LOXHD1: variants seen among roughly 807,000 people sequenced by gnomAD.
LOXHD1 encodes lipoxygenase homology PLAT domains 1.
In LOXHD1, 205 loss-of-function variants were observed where a neutral mutation model predicts 248.2. The observed-to-expected ratio is 0.83, with a 90% CI of 0.74 to 0.93. The LOEUF is 0.93. Ranked by LOEUF, LOXHD1 falls within the 40% of genes least tolerant of loss-of-function variation. LOXHD1 has a pLI of 0.00. For missense variants in LOXHD1, 2,930 were observed against 2,971.6 expected, an observed-to-expected ratio of 0.99 and a Z score of 0.33; for synonymous variants, 1,113 against 1,162.8, an observed-to-expected ratio of 0.96 and a Z score of 0.87.
chr18:46,496,795 G>C (rs1409594891), intron 37 of LOXHD1, among the ~76,000 whole-genome samples: 2 of 152,180 alleles, frequency 1.3e-5, no homozygotes, highest in Admixed American at 1.3e-4. Flanking sequence ...TTGAGGTCAG[G>C]AGTTTGAGTC....
intron 21 of LOXHD1, among the ~76,000 whole-genome samples, chr18:46,555,767 C>T (rs761338276): frequency 1.3e-5 from 2 of 152,032 alleles, no homozygotes; most frequent in Admixed American, 6.5e-5. Flanking sequence ...AATGAAAACA[C>T]GTTCAATTCA....
intron 14 of LOXHD1, among the ~76,000 whole-genome samples, chr18:46,574,388 TACACACACACACACAC>T (rs569144159): frequency 8.0e-6 from 1 of 125,242 alleles, no homozygotes; most frequent in Admixed American, 7.9e-5. Context: ...TGTGTACACA[TACACACACACACACAC>T]ACACACACAC....
intron 4 of LOXHD1, among the ~76,000 whole-genome samples, chr18:46,626,609 A>G (rs1190906914): frequency 6.6e-6 from 1 of 152,248 alleles, no homozygotes; most frequent in African/African-American, 2.4e-5. Context: ...AAGTGAAACA[A>G]CATGGTTATA....
chr18:46,643,793 C>A (rs1236819149), intron 2 of LOXHD1, among the ~76,000 whole-genome samples: 2 of 151,868 alleles, frequency 1.3e-5, no homozygotes, highest in African/African-American at 4.8e-5. Context: ...AAACAGTCAC[C>A]CTGGGAAGCT....
intron 2 of LOXHD1, among the ~76,000 whole-genome samples, chr18:46,647,043 C>G (rs1429084233): frequency 2.0e-5 from 3 of 152,228 alleles, no homozygotes; most frequent in Non-Finnish European, 4.4e-5. Flanking sequence ...GGGCCCTGGC[C>G]AGACCTATGC....
intron 25 of LOXHD1, among the ~76,000 whole-genome samples, chr18:46,540,652 A>G (rs1014119126): frequency 2.2e-5 from 2 of 90,898 alleles, no homozygotes; most frequent in Non-Finnish European, 5.0e-5. Context: ...CAAACTCTTT[A>G]TCTTTTTTTT....
chr18:46,526,940 T>C (rs538733814), intron 29 of LOXHD1, among the ~76,000 whole-genome samples: 1 of 152,278 alleles, frequency 6.6e-6, no homozygotes, highest in East Asian at 1.9e-4. Context: ...ATGACTTCCA[T>C]ATTCTGGAGT....
chr18:46,641,858 C>T, intron 3 of LOXHD1, 98 bp downstream of exon 3: 1 of 1,221,402 alleles, frequency 8.2e-7, no homozygotes, highest in Non-Finnish European at 1.2e-6. Context: ...CCTCAAATAA[C>T]ATCTGGGAAG....
chr18:46,564,361 C>T (rs2037594911), intron 17 of LOXHD1, among the ~76,000 whole-genome samples: 1 of 151,906 alleles, frequency 6.6e-6, no homozygotes, highest in Non-Finnish European at 1.5e-5. Context: ...CCCATCTCTA[C>T]AAAAATAAAA....
At chr18:46,649,876 G>A (rs16939899) in intron 1 of LOXHD1, among the ~76,000 whole-genome samples, 3 of 151,878 alleles carry the variant, frequency 2.0e-5, no homozygotes, top group African/African-American at 4.8e-5. Flanking sequence ...TAGCCCTATC[G>A]ACTTCCTGGA....
At chr18:46,531,488 G>T (rs528892878) in intron 28 of LOXHD1, among the ~76,000 whole-genome samples, 18 of 152,088 alleles carry the variant, frequency 1.2e-4, no homozygotes, top group Non-Finnish European at 1.8e-4. Flanking sequence ...GGTGGCATGG[G>T]CCTATAGGGA....
chr18:46,542,832 T>A lies in LOXHD1; in HGVS notation c.3643A>T (p.Lys1215Ter). 1 of 1,551,726 alleles carries A rather than the reference T, an allele frequency of 6.4e-7. No homozygotes were observed. ...CTCTCAAACTTATCGCTGTTTGTCT[T>A]GGAGGACTTCAGGAGGGTCATTCCT... Reference protein sequence around the residue: ...DTGMTLLKSSKTNSDKFERDS... With the variant: ...DTGMTLLKSS The change falls in exon 24 of 41, where the codon AAG becomes TAG. Residue 1215 changes from lysine (K) to a stop codon, truncating the protein, a stop_gained. Coordinates refer to ENST00000642948, the MANE Select transcript of LOXHD1 (RefSeq NM_001384474.1). LOFTEE classifies it high-confidence loss of function.
rs541438599 is a variant in LOXHD1, at chr18:46,516,624, C to T, written c.5399+1505G>A. On this transcript the variant is annotated intron_variant, in intron 34 of 40. Transcript: ENST00000642948. ...TCATCCCTACCATCATCACCTTCAT[C>T]CCTATCACCACTGCCACCATCATAA... Among the ~76,000 whole-genome samples the T allele has an allele frequency of 1.3e-4, 20 of 152,266 alleles. No individual in the cohort carries two copies. The South Asian group carries it at 4.2e-3, about 32-fold the overall frequency.
At chr18:46,541,181 A>C (rs1415264793) in intron 25 of LOXHD1, among the ~76,000 whole-genome samples, 1 of 152,170 alleles carries the variant, frequency 6.6e-6, no homozygotes, top group Non-Finnish European at 1.5e-5. Flanking sequence ...AAGTGTCAAA[A>C]CTTCACTAAA....
intron 2 of LOXHD1, among the ~76,000 whole-genome samples, chr18:46,645,487 C>T (rs777139590): frequency 7.2e-5 from 11 of 152,188 alleles, no homozygotes; most frequent in Non-Finnish European, 1.3e-4. Context: ...ATGTTCCAGA[C>T]GATACATGAG....
chr18:46,639,740 G>T lies in LOXHD1; in HGVS notation c.387C>A (p.Thr129=). 6.4e-7 allele frequency: 1 copy of T among 1,551,694 alleles called. No individual in the cohort carries two copies. The highest frequency in any genetic ancestry group is 1.2e-5 in the South Asian group (1 of 84,056). Reference sequence around the variant, plus strand: ...AACGGAGATGAGGCCTCTTCATGTCGGTCACAATCACATGGTCCAGGTACC... The same window carrying T: ...AACGGAGATGAGGCCTCTTCATGTCTGTCACAATCACATGGTCCAGGTACC... ...ASWYLDHVIV[T]DMKRPHLRYY... Residue 129 remains threonine, a synonymous_variant, in exon 4 of 41, where the codon ACC becomes ACA. Transcript: ENST00000642948.
intron 20 of LOXHD1, chr18:46,558,030 G>A (rs963728487): frequency 1.3e-5 from 13 of 988,424 alleles, no homozygotes; most frequent in Middle Eastern, 5.1e-4. Flanking sequence ...CTCCATGCAC[G>A]GGAGGAAGCA....
chr18:46,506,619 T>A (rs957532978), intron 36 of LOXHD1, among the ~76,000 whole-genome samples: 1 of 152,198 alleles, frequency 6.6e-6, no homozygotes, highest in Admixed American at 6.5e-5. Context: ...TGAAAACATA[T>A]GACACTTGGA....
At chr18:46,549,138 G>A (rs1352321295) in intron 21 of LOXHD1, among the ~76,000 whole-genome samples, 4 of 152,100 alleles carry the variant, frequency 2.6e-5, no homozygotes, top group African/African-American at 9.7e-5. Flanking sequence ...CAGGCTTCTG[G>A]ATACCAGGGA....
Sources: gnomAD v4.1 joint callset for allele counts (sites outside exome capture counted in the v4.1 genomes callset) on GRCh38, gnomAD v4.1.1 for gene constraint, MANE v1.5 for transcripts, NCBI Gene and HGNC (gene_info 2026-07-23, HGNC 2026-07-21) for gene names.